The following BBS9 variants were observed in gnomAD, a reference collection of about 807,000 sequenced individuals.
BBS9 encodes the protein Bardet-Biedl syndrome 9, also known as protein PTHB1.
A neutral mutation model predicts 117.7 loss-of-function variants in BBS9; 89 were observed. That is an observed-to-expected ratio of 0.76 (90% CI 0.64 to 0.90). The LOEUF (loss-of-function observed/expected upper bound fraction) is 0.90, where lower values mean the gene tolerates loss of function less well. Among genes scored for constraint, BBS9 ranks in the 40% least tolerant of loss-of-function variants. BBS9 has a pLI of 0.00. For synonymous variants in BBS9, 379 were observed against 370.9 expected (o/e 1.02, Z -0.25); for missense variants, 982 against 1,042.2 (o/e 0.94, Z 0.80).
chr7:33,554,856 G>A (rs1282268883), intron 21 of BBS9, among the ~76,000 whole-genome samples: 1 of 152,128 alleles, frequency 6.6e-6, no homozygotes, highest in African/African-American at 2.4e-5. Flanking sequence ...AGGTCAGGTG[G>A]AAGGGCAAGA....
Position 33,620,507 on chromosome 7 carries a change from AT to A in BBS9, c.2522-14669del, listed in dbSNP as rs147120857. Among the ~76,000 whole-genome samples, 332 of 152,242 alleles carry A rather than the reference AT, an allele frequency of 2.2e-3. 2 individuals carry two copies. The highest frequency in any genetic ancestry group is 7.7e-3 in the African/African-American group (322 of 41,572). On this transcript the variant is annotated intron_variant, in intron 21 of 21. Coordinates refer to the BBS9 transcript ENST00000671952. ...ATCAAGAAAAATCCCATTTGCAATA[AT>A]AAAAAATATCAGGAATAAATTTAGC...
chr7:33,461,760 A>G (rs1423612593), intron 19 of BBS9, among the ~76,000 whole-genome samples: 1 of 152,066 alleles, frequency 6.6e-6, no homozygotes, highest in Non-Finnish European at 1.5e-5. Flanking sequence ...TCTGCATTTG[A>G]CAGTTACCTA....
At chr7:33,371,566 T>C (rs1822865750) in intron 17 of BBS9, among the ~76,000 whole-genome samples, 1 of 151,996 alleles carries the variant, frequency 6.6e-6, no homozygotes, top group Non-Finnish European at 1.5e-5. Context: ...GGATCATAAG[T>C]CCGTGAAGAA....
intron 20 of BBS9, among the ~76,000 whole-genome samples, chr7:33,507,150 A>C (rs1246698113): frequency 6.6e-6 from 1 of 152,214 alleles, no homozygotes; most frequent in Non-Finnish European, 1.5e-5. Flanking sequence ...AAAGATTAGC[A>C]ATCATTACTG....
chr7:33,597,092 C>CAT (rs1374376299), intron 21 of BBS9, among the ~76,000 whole-genome samples: 1 of 151,570 alleles, frequency 6.6e-6, no homozygotes, highest in African/African-American at 2.4e-5. Flanking sequence ...CACACACACA[C>CAT]ACACACACAC....
chr7:33,233,924 G>T (rs1334731075), intron 5 of BBS9, among the ~76,000 whole-genome samples: 1 of 152,114 alleles, frequency 6.6e-6, no homozygotes, highest in Admixed American at 6.6e-5. Context: ...CTGTAGCCCA[G>T]AAATATTAAA....
intron 5 of BBS9, among the ~76,000 whole-genome samples, chr7:33,195,874 C>T (rs1054394900): frequency 1.2e-4 from 18 of 151,910 alleles, no homozygotes; most frequent in African/African-American, 3.9e-4. Context: ...GATATAATAT[C>T]GGCATGGTAT....
At chr7:33,259,808 C>A (rs1004865143) in intron 6 of BBS9, among the ~76,000 whole-genome samples, 3 of 151,746 alleles carry the variant, frequency 2.0e-5, no homozygotes, top group Non-Finnish European at 2.9e-5. Flanking sequence ...GTCAGTAATC[C>A]CTGCCCTTAA....
rs190382066 is a variant in BBS9, at chr7:33,175,842, A to C, written c.329-1636A>C. Reference sequence around the variant, plus strand: ...ATTAACATATGCATTGCTCATGTACACATAGGAATATTCCATAAGGAGTGA... The same window carrying C: ...ATTAACATATGCATTGCTCATGTACCCATAGGAATATTCCATAAGGAGTGA... On this transcript the variant is annotated intron_variant, in intron 4 of 22. Coordinates refer to ENST00000242067, the MANE Select transcript of BBS9 (RefSeq NM_198428.3). Among the ~76,000 whole-genome samples the C allele has an allele frequency of 2.4e-4, 36 of 152,354 alleles. 1 individual carries two copies. Among genetic ancestry groups the C allele is most frequent in the Admixed American group, 2.0e-3 (31 of 15,302 alleles).
intron 21 of BBS9, among the ~76,000 whole-genome samples, chr7:33,569,856 T>A (rs571081113): frequency 2.1e-4 from 32 of 152,346 alleles, no homozygotes; most frequent in Admixed American, 1.2e-3. Context: ...CCTAGCTCTG[T>A]CTGAAGAGGA....
chr7:33,204,621 G>T (rs1786557538), intron 5 of BBS9, among the ~76,000 whole-genome samples: 1 of 151,958 alleles, frequency 6.6e-6, no homozygotes, highest in African/African-American at 2.4e-5. Context: ...TCATTCAGAT[G>T]AAAACCTCTC....
At chr7:33,424,650 G>T (rs772609850) in intron 19 of BBS9, among the ~76,000 whole-genome samples, 13 of 152,132 alleles carry the variant, frequency 8.5e-5, no homozygotes, top group Non-Finnish European at 1.9e-4. Context: ...AAGACTTTAA[G>T]CAGAGGGTTT....
intron 4 of BBS9, among the ~76,000 whole-genome samples, chr7:33,158,906 T>TAGACAGAAAAAGGAAAGTGAC (rs71551990): frequency 0.15 from 23,038 of 151,306 alleles, 1,976 homozygotes; most frequent in South Asian, 0.21. Flanking sequence ...AGACGATTTA[T>TAGACAGAAAAAGGAAAGTGAC]AGACAGAAAA....
intron 5 of BBS9, among the ~76,000 whole-genome samples, chr7:33,206,650 A>G (rs1786984803): frequency 6.6e-6 from 1 of 152,188 alleles, no homozygotes. Flanking sequence ...AAGAATAGAA[A>G]TATTCTTATA....
downstream of BBS9, among the ~76,000 whole-genome samples, chr7:33,609,151 G>A (rs934546236): frequency 5.9e-5 from 9 of 151,912 alleles, no homozygotes; most frequent in Admixed American, 2.6e-4. Flanking sequence ...TGACTTTGTT[G>A]AGGATCAAAT....
At chr7:33,424,852 A>T (rs1833417981) in intron 19 of BBS9, among the ~76,000 whole-genome samples, 1 of 152,146 alleles carries the variant, frequency 6.6e-6, no homozygotes, top group Non-Finnish European at 1.5e-5. Context: ...TCCTGTTATA[A>T]CTTAAGAGAT....
At chr7:33,435,054 G>C (rs1025037402) in intron 19 of BBS9, among the ~76,000 whole-genome samples, 1 of 152,028 alleles carries the variant, frequency 6.6e-6, no homozygotes, top group Non-Finnish European at 1.5e-5. Context: ...CTGTTCCTCT[G>C]CCCAATTTGC....
intron 9 of BBS9, among the ~76,000 whole-genome samples, chr7:33,280,101 C>G (rs143182715): frequency 6.6e-6 from 1 of 152,284 alleles, no homozygotes; most frequent in East Asian, 1.9e-4. Context: ...TAGGCTAGGT[C>G]CACAATAGTC....
At chr7:33,189,690 A>G (rs917372172) in intron 5 of BBS9, among the ~76,000 whole-genome samples, 2 of 151,648 alleles carry the variant, frequency 1.3e-5, no homozygotes, top group Non-Finnish European at 2.9e-5. Context: ...GATCAAGACC[A>G]TCCTGGCCAA....
Sources: gnomAD v4.1 joint callset for allele counts (sites outside exome capture counted in the v4.1 genomes callset) on GRCh38, gnomAD v4.1.1 for gene constraint, MANE v1.5 for transcripts, NCBI Gene and HGNC (gene_info 2026-07-23, HGNC 2026-07-21) for gene names.